The following FARS2 variants were observed in gnomAD, a reference collection of about 807,000 sequenced individuals.
FARS2 encodes phenylalanine--tRNA ligase, mitochondrial.
FARS2 carries 40 observed loss-of-function variants against 46.4 expected under a neutral mutation model. The ratio of observed to expected loss-of-function variants is 0.86; its 90% CI spans 0.67 to 1.12. FARS2 has a LOEUF of 1.12. FARS2 is among the 50% of genes most tolerant of loss of function. FARS2 has a pLI of 0.00. For missense variants in FARS2, 513 were observed against 567.9 expected, an observed-to-expected ratio of 0.90 and a Z score of 0.98; for synonymous variants, 234 against 214.9, an observed-to-expected ratio of 1.09 and a Z score of -0.78.
intron 4 of FARS2, among the ~76,000 whole-genome samples, chr6:5,533,823 G>A (rs1485421940): frequency 1.3e-5 from 2 of 152,198 alleles, no homozygotes; most frequent in Non-Finnish European, 2.9e-5. Context: ...CCCAAAAGGG[G>A]TGTGACATTG....
At chr6:5,544,421 A>AT (rs11395085) in intron 4 of FARS2, among the ~76,000 whole-genome samples, 141,486 of 152,254 alleles carry the variant, frequency 0.93, 65,844 homozygotes, top group East Asian at 0.99. Flanking sequence ...TTGGAATTAT[A>AT]TCCTTTCATG....
rs187939222 is a variant in FARS2, at chr6:5,354,752, A to G, written c.-21-13798A>G. Among the ~76,000 whole-genome samples, 22 of 152,174 alleles carry G rather than the reference A, an allele frequency of 1.4e-4. 1 individual carries two copies. The highest frequency in any genetic ancestry group is 5.3e-4 in the African/African-American group (22 of 41,534). On this transcript the variant is annotated intron_variant, in intron 1 of 6. Transcript: ENST00000274680. ...ATGGTCTCGATCTCCTGACCTCGTG[A>G]TCCACCTGCCTCGGCCTCCCAAAGT... is the stretch of plus-strand genomic sequence containing the variant.
chr6:5,680,971 A>G (rs981208497), intron 6 of FARS2, among the ~76,000 whole-genome samples: 1 of 152,258 alleles, frequency 6.6e-6, no homozygotes, highest in African/African-American at 2.4e-5. Context: ...AAAAATATAA[A>G]AACAATAATA....
intron 4 of FARS2, among the ~76,000 whole-genome samples, chr6:5,439,020 T>A (rs1250793254): frequency 6.6e-6 from 1 of 152,172 alleles, no homozygotes; most frequent in Non-Finnish European, 1.5e-5. Flanking sequence ...CTGTTGCTGT[T>A]TTAGTAGGGT....
chr6:5,644,346 G>A (rs1376629913), intron 6 of FARS2, among the ~76,000 whole-genome samples: 2 of 152,116 alleles, frequency 1.3e-5, no homozygotes, highest in East Asian at 3.9e-4. Context: ...CCAAGTAGCT[G>A]AGACTACAGG....
chr6:5,609,256 T>G, intron 5 of FARS2: 2 of 1,122,556 alleles, frequency 1.8e-6, no homozygotes, highest in Non-Finnish European at 2.7e-6. Context: ...CCTTAGCTAC[T>G]GCTGCTACTG....
chr6:5,270,798 G>A (rs1032913019), intron 1 of FARS2, among the ~76,000 whole-genome samples: 1 of 151,842 alleles, frequency 6.6e-6, no homozygotes, highest in Non-Finnish European at 1.5e-5. Context: ...TTTATTTTTC[G>A]CTTGCTGCTT....
chr6:5,657,803 A>C (rs1777671694), intron 6 of FARS2, among the ~76,000 whole-genome samples: 1 of 152,230 alleles, frequency 6.6e-6, no homozygotes, highest in South Asian at 2.1e-4. Flanking sequence ...TAGTTTATAA[A>C]GGAGCAGTTC....
intron 4 of FARS2, among the ~76,000 whole-genome samples, chr6:5,453,821 A>C (rs1254167638): frequency 6.6e-6 from 1 of 152,114 alleles, no homozygotes; most frequent in Non-Finnish European, 1.5e-5. Flanking sequence ...AAACACATGG[A>C]AAGTATGTTA....
At chr6:5,346,874 A>G (rs1479232623) in intron 1 of FARS2, among the ~76,000 whole-genome samples, 2 of 150,594 alleles carry the variant, frequency 1.3e-5, no homozygotes, top group Non-Finnish European at 3.0e-5. Context: ...ATTTCCATAC[A>G]GTGAACTTCA....
rs1052815653 is a variant in FARS2, at chr6:5,471,377, C to T, written c.904+40205C>T. Reference sequence around the variant, plus strand: ...AAGAGTCAGAATTTCAGCAAAAACCCAGGAATCCTTCTCTTACCTTTTCTT... The same window carrying T: ...AAGAGTCAGAATTTCAGCAAAAACCTAGGAATCCTTCTCTTACCTTTTCTT... On this transcript the variant is annotated intron_variant, in intron 4 of 6. Coordinates refer to ENST00000274680, the MANE Select transcript of FARS2 (RefSeq NM_006567.5). The surrounding 1 kb of genome is among the most constrained non-coding windows in gnomAD (Gnocchi z 4.1). Among the ~76,000 whole-genome samples, 2 of 152,128 alleles carry T rather than the reference C, an allele frequency of 1.3e-5. No individual in the cohort carries two copies. The highest frequency in any genetic ancestry group is 1.3e-4 in the Admixed American group (2 of 15,280).
chr6:5,527,900 T>C (rs894334704), intron 4 of FARS2, among the ~76,000 whole-genome samples: 8 of 152,224 alleles, frequency 5.3e-5, no homozygotes, highest in African/African-American at 1.9e-4. Flanking sequence ...TTCCAGGAAC[T>C]TAGATTGAAA....
chr6:5,711,739 G>A (rs907590282), intron 6 of FARS2, among the ~76,000 whole-genome samples: 5 of 152,258 alleles, frequency 3.3e-5, no homozygotes, highest in African/African-American at 1.2e-4. Context: ...GGAAGTCTGA[G>A]AAGGTGTCAC....
At chr6:5,463,498 G>A (rs1765355498) in intron 4 of FARS2, among the ~76,000 whole-genome samples, 1 of 152,148 alleles carries the variant, frequency 6.6e-6, no homozygotes, top group Admixed American at 6.5e-5. Flanking sequence ...CTTGAGTTTA[G>A]GGCATTTGTT....
intron 5 of FARS2, among the ~76,000 whole-genome samples, chr6:5,553,780 C>CT (rs764834457): frequency 2.0e-5 from 3 of 152,092 alleles, no homozygotes; most frequent in Non-Finnish European, 4.4e-5. Flanking sequence ...TTCAGTGGGT[C>CT]TGGGGGGGTG....
intron 6 of FARS2, among the ~76,000 whole-genome samples, chr6:5,622,954 A>C (rs1254244455): frequency 6.6e-6 from 1 of 152,278 alleles, no homozygotes; most frequent in Non-Finnish European, 1.5e-5. Flanking sequence ...TTATTCAATG[A>C]CTGGAAATAG....
At chr6:5,342,954 A>G (rs1199422069) in intron 1 of FARS2, among the ~76,000 whole-genome samples, 1 of 152,140 alleles carries the variant, frequency 6.6e-6, no homozygotes, top group African/African-American at 2.4e-5. Context: ...GAAAGAGTTC[A>G]TGGGTCCATT....
At chr6:5,738,826 G>T (rs941702024) in intron 6 of FARS2, among the ~76,000 whole-genome samples, 8 of 151,828 alleles carry the variant, frequency 5.3e-5, no homozygotes, top group African/African-American at 1.5e-4. Flanking sequence ...TTTAACCAAA[G>T]AGTTGCGTGT....
intron 6 of FARS2, among the ~76,000 whole-genome samples, chr6:5,716,661 G>C (rs1355029873): frequency 2.0e-5 from 3 of 152,218 alleles, no homozygotes; most frequent in Non-Finnish European, 4.4e-5. Context: ...GCCTCAGCTG[G>C]CTGTAATTCA....
Sources: gnomAD v4.1 joint callset for allele counts (sites outside exome capture counted in the v4.1 genomes callset) on GRCh38, gnomAD v4.1.1 for gene constraint, Gnocchi (gnomAD v3.1) non-coding constraint, MANE v1.5 for transcripts, NCBI Gene and HGNC (gene_info 2026-07-23, HGNC 2026-07-21) for gene names.